CHSY3: variants seen among roughly 807,000 people sequenced by gnomAD.
The protein encoded by CHSY3 is chondroitin sulfate synthase 3.
In CHSY3, 35 loss-of-function variants were observed where a neutral mutation model predicts 67.2. The observed-to-expected ratio is 0.52, with a 90% CI of 0.40 to 0.69. The LOEUF is 0.69. Ranked by LOEUF, CHSY3 falls within the 30% of genes least tolerant of loss-of-function variation. CHSY3 has a pLI of 0.00. For missense variants in CHSY3, 1,069 were observed against 1,138.5 expected (o/e 0.94, Z 0.88); for synonymous variants, 474 against 434.7 (o/e 1.09, Z -1.12).
intron 2 of CHSY3, among the ~76,000 whole-genome samples, chr5:129,931,833 T>A (rs1427654827): frequency 6.6e-6 from 1 of 152,096 alleles, no homozygotes; most frequent in Non-Finnish European, 1.5e-5. Flanking sequence ...GTCCTCCCCA[T>A]GGACTTCTCC....
At chr5:129,966,172 G>C (rs1264375413) in intron 2 of CHSY3, among the ~76,000 whole-genome samples, 3 of 151,916 alleles carry the variant, frequency 2.0e-5, no homozygotes, top group Non-Finnish European at 4.4e-5. Flanking sequence ...GTCAAGGAAT[G>C]TTTGTGTAGT....
intron 2 of CHSY3, among the ~76,000 whole-genome samples, chr5:130,098,113 C>T (rs1225004272): frequency 1.3e-5 from 2 of 152,164 alleles, no homozygotes; most frequent in African/African-American, 4.8e-5. Flanking sequence ...TGCAATGTCA[C>T]AATCAAGGTA....
chr5:130,077,987 G>T (rs1165581138), intron 2 of CHSY3, among the ~76,000 whole-genome samples: 2 of 152,058 alleles, frequency 1.3e-5, no homozygotes, highest in African/African-American at 4.8e-5. Flanking sequence ...CTTAATACTT[G>T]CCAGTCACTG....
intron 2 of CHSY3, among the ~76,000 whole-genome samples, chr5:130,173,169 A>G (rs188416898): frequency 1.3e-5 from 2 of 152,272 alleles, no homozygotes; most frequent in African/African-American, 4.8e-5. Context: ...AATTACGTCT[A>G]TAGCCTTTGG....
At chr5:130,087,789 C>A (rs6868699) in intron 2 of CHSY3, among the ~76,000 whole-genome samples, 2 of 150,366 alleles carry the variant, frequency 1.3e-5, no homozygotes. Context: ...ATGGCCATAC[C>A]GCCCAAGGTA....
intron 2 of CHSY3, among the ~76,000 whole-genome samples, chr5:130,157,764 C>A (rs1329831931): frequency 7.6e-5 from 1 of 13,236 alleles, no homozygotes; most frequent in Non-Finnish European, 1.5e-4. Flanking sequence ...AATAACTGAG[C>A]AGTGGCATGC....
intron 2 of CHSY3, among the ~76,000 whole-genome samples, chr5:130,077,213 G>A (rs1399961532): frequency 6.6e-6 from 1 of 151,960 alleles, no homozygotes; most frequent in African/African-American, 2.4e-5. Flanking sequence ...GTGGCCAGAA[G>A]AAGTATGAGG....
intron 2 of CHSY3, among the ~76,000 whole-genome samples, chr5:129,951,904 A>G (rs185568866): frequency 4.6e-5 from 7 of 152,210 alleles, no homozygotes; most frequent in Non-Finnish European, 1.0e-4. Context: ...TCAGCTTTAC[A>G]TTACTAGCAC....
intron 2 of CHSY3, among the ~76,000 whole-genome samples, chr5:130,093,288 CTTG>C (rs1766939307): frequency 1.3e-5 from 2 of 152,056 alleles, no homozygotes; most frequent in Admixed American, 1.3e-4. Flanking sequence ...TAGATCATGT[CTTG>C]TTGTTTTTGA....
At chr5:130,101,045 G>A (rs1302196549) in intron 2 of CHSY3, among the ~76,000 whole-genome samples, 1 of 152,294 alleles carries the variant, frequency 6.6e-6, no homozygotes, top group Middle Eastern at 3.4e-3. Flanking sequence ...AGTCCCGCAA[G>A]TACTTTTTAA....
intron 2 of CHSY3, among the ~76,000 whole-genome samples, chr5:130,151,802 C>T (rs1769239669): frequency 6.6e-6 from 1 of 152,078 alleles, no homozygotes; most frequent in Admixed American, 6.6e-5. Flanking sequence ...CTACTGTGTC[C>T]CTTCCATGAT....
intron 2 of CHSY3, among the ~76,000 whole-genome samples, chr5:129,969,226 G>C (rs1762562893): frequency 6.6e-6 from 1 of 151,700 alleles, no homozygotes; most frequent in Non-Finnish European, 1.5e-5. Context: ...CACACATGAA[G>C]TTAAGAGGTG....
intron 2 of CHSY3, among the ~76,000 whole-genome samples, chr5:130,014,536 G>T (rs1195222793): frequency 6.6e-6 from 1 of 152,126 alleles, no homozygotes; most frequent in Admixed American, 6.5e-5. Flanking sequence ...ATCAGATCTT[G>T]TGAGAACTCA....
intron 2 of CHSY3, among the ~76,000 whole-genome samples, chr5:130,069,673 G>A (rs1045002406): frequency 6.6e-6 from 1 of 151,696 alleles, no homozygotes; most frequent in Non-Finnish European, 1.5e-5. Context: ...TATATGATTT[G>A]AATCTTCACT....
chr5:130,062,890 A>T (rs1765759302), intron 2 of CHSY3, among the ~76,000 whole-genome samples: 1 of 151,926 alleles, frequency 6.6e-6, no homozygotes, highest in Admixed American at 6.6e-5. Context: ...AAAAATATAG[A>T]TTTTTTTTAC....
chr5:129,995,492 C>CT (rs962321943), intron 2 of CHSY3, among the ~76,000 whole-genome samples: 10 of 149,352 alleles, frequency 6.7e-5, no homozygotes, highest in Non-Finnish European at 1.2e-4. Context: ...CATCTGTGTA[C>CT]TTTTTTTTTC....
intron 2 of CHSY3, among the ~76,000 whole-genome samples, chr5:130,007,471 C>A (rs1302997213): frequency 1.3e-5 from 2 of 152,058 alleles, no homozygotes; most frequent in Non-Finnish European, 2.9e-5. Flanking sequence ...GAGAACCCTG[C>A]ATGTGGTTAT....
intron 2 of CHSY3, among the ~76,000 whole-genome samples, chr5:130,157,663 C>T (rs1421736448): frequency 6.6e-6 from 1 of 152,120 alleles, no homozygotes; most frequent in African/African-American, 2.4e-5. Flanking sequence ...CGATCCAGAC[C>T]CCAAAAGAGG....
chr5:130,006,997 CAG>C (rs1763896248), intron 2 of CHSY3, among the ~76,000 whole-genome samples: 1 of 152,060 alleles, frequency 6.6e-6, no homozygotes. Flanking sequence ...GAAGTGGAGC[CAG>C]AGATTGTACA....
Sources: allele counts gnomAD v4.1 joint callset (sites outside exome capture counted in the v4.1 genomes callset), GRCh38; gene constraint gnomAD v4.1.1; transcripts MANE v1.5; gene names NCBI Gene and HGNC (gene_info 2026-07-23, HGNC 2026-07-21).